Variants in KAT7 observed in about 807,000 individuals in gnomAD.
The protein encoded by KAT7 is histone acetyltransferase KAT7.
A neutral mutation model predicts 82.1 loss-of-function variants in KAT7; 10 were observed. The ratio of observed to expected loss-of-function variants is 0.12; its 90% CI spans 0.08 to 0.21. The LOEUF (loss-of-function observed/expected upper bound fraction) is 0.21, where lower values mean the gene tolerates loss of function less well. Among genes scored for constraint, KAT7 ranks in the 10% least tolerant of loss-of-function variants. The pLI is 1.00. For missense variants in KAT7, 378 were observed against 760.9 expected (o/e 0.50, Z 5.92); for synonymous variants, 250 against 262.5 (o/e 0.95, Z 0.46).
At chr17:49,792,174 T>A in intron 2 of KAT7, 141 bp downstream of exon 2, 3 of 801,948 alleles carry the variant, frequency 3.7e-6, no homozygotes, top group Non-Finnish European at 5.9e-6. Context: ...AAATGTAGAG[T>A]GAATGCAGAG....
Position 49,825,994 on chromosome 17 carries a change from TG to T in KAT7, c.1481-4del. 2 of 1,607,426 alleles carry T rather than the reference TG, an allele frequency of 1.2e-6. No individual in the cohort carries two copies. Among genetic ancestry groups the T allele is most frequent in the Non-Finnish European group, 1.7e-6 (2 of 1,175,508 alleles). On this transcript the variant is annotated splice_polypyrimidine_tract_variant and splice_region_variant and intron_variant, in intron 12 of 14. Transcript: ENST00000259021. ...CTAGAAAAAGTCTGTATTTGTTCCC[TG>T]GCAGGTTATTTGCTTTCCAAAGTCG...
At chr17:49,809,245 T>A (rs763878666) in intron 6 of KAT7, 37 bp downstream of exon 6, 66 of 1,506,948 alleles carry the variant, frequency 4.4e-5, no homozygotes, top group Non-Finnish European at 5.8e-5. Context: ...ATTCATAGTT[T>A]GAGGTCCGTT....
At chr17:49,800,010 CTTTTTT>C (rs10694119) in intron 4 of KAT7, among the ~76,000 whole-genome samples, 3 of 98,438 alleles carry the variant, frequency 3.0e-5, no homozygotes, top group African/African-American at 4.1e-5. Context: ...GTTTCCTGGC[CTTTTTT>C]TTTTTTTTTT....
intron 2 of KAT7, among the ~76,000 whole-genome samples, chr17:49,796,192 G>C (rs2073953776): frequency 1.3e-5 from 2 of 152,100 alleles, no homozygotes; most frequent in Non-Finnish European, 2.9e-5. Context: ...GTGCCAGAGA[G>C]GGTAATAAGA....
In KAT7 at chr17:49,834,605, A is replaced by T. The variant is rs2074448808; in HGVS notation, c.*7103A>T. 1 of 152,210 alleles carries T rather than the reference A, an allele frequency of 6.6e-6. No individual in the cohort carries two copies. The highest frequency in any genetic ancestry group is 1.5e-5 in the Non-Finnish European group (1 of 68,032). The allele number at this position is 152,210 out of a possible 1,614,324, so 9.4% of individuals were successfully genotyped here. ...TCATCATTCCCTTACACATAACCTC[A>T]ACGTGCAACAGGATTAGTCTATTAT... On this transcript the variant is annotated 3_prime_UTR_variant, in exon 15 of 15. Coordinates refer to ENST00000259021, the MANE Select transcript of KAT7 (RefSeq NM_007067.5).
intron 4 of KAT7, among the ~76,000 whole-genome samples, chr17:49,799,220 G>C (rs1293642721): frequency 6.6e-6 from 1 of 152,166 alleles, no homozygotes; most frequent in Non-Finnish European, 1.5e-5. Flanking sequence ...TTAAGGTTTT[G>C]TCTAGAGTTG....
rs923192332 is a variant in KAT7 at position 49,834,497 on chromosome 17, G to C, written c.*6995G>C. 1 of 152,238 alleles carries C rather than the reference G, an allele frequency of 6.6e-6. No homozygotes were observed. The highest frequency in any genetic ancestry group is 6.5e-5 in the Admixed American group (1 of 15,272). The allele number at this position is 152,238 out of a possible 1,614,324, so 9.4% of individuals were successfully genotyped here. ...CACCTGCCTGCTCCAGAATTCATGTGGCTTCTCATTGCTCAATGGATTAAG... is the reference window on the plus strand; with the variant it reads ...CACCTGCCTGCTCCAGAATTCATGTCGCTTCTCATTGCTCAATGGATTAAG... On this transcript the variant is annotated 3_prime_UTR_variant, in exon 15 of 15. Transcript: ENST00000259021.
chr17:49,792,192 G>A (rs988389080), intron 2 of KAT7, among the ~76,000 whole-genome samples, 159 bp downstream of exon 2: 1 of 152,208 alleles, frequency 6.6e-6, no homozygotes, highest in Non-Finnish European at 1.5e-5. Flanking sequence ...GAGTTGTCAG[G>A]TCTTTAACAA....
intron 4 of KAT7, among the ~76,000 whole-genome samples, chr17:49,800,846 A>G (rs920452987): frequency 3.3e-5 from 5 of 152,184 alleles, no homozygotes; most frequent in Non-Finnish European, 5.9e-5. Flanking sequence ...GTGTATATAC[A>G]TACATATGTG....
intron 4 of KAT7, among the ~76,000 whole-genome samples, chr17:49,803,203 G>C (rs2074047097): frequency 1.3e-5 from 2 of 151,828 alleles, no homozygotes; most frequent in African/African-American, 4.8e-5. Context: ...CTGCCTCCCA[G>C]GTTCAAGCGA....
chr17:49,811,197 C>T (rs1196588911), intron 6 of KAT7, among the ~76,000 whole-genome samples: 5 of 151,662 alleles, frequency 3.3e-5, no homozygotes, highest in Non-Finnish European at 7.4e-5. Flanking sequence ...ACCTCTGCCT[C>T]CCAGGTTCAG....
intron 7 of KAT7, among the ~76,000 whole-genome samples, chr17:49,811,864 C>T (rs1272022988): frequency 2.0e-5 from 3 of 152,096 alleles, no homozygotes; most frequent in Admixed American, 1.3e-4. Context: ...TTAAATTTAC[C>T]CGCTAGAACA....
chr17:49,799,596 C>T (rs1441668459), intron 4 of KAT7, among the ~76,000 whole-genome samples: 1 of 152,144 alleles, frequency 6.6e-6, no homozygotes, highest in African/African-American at 2.4e-5. Flanking sequence ...AGGCTGGTCT[C>T]GAACTCCTGA....
intron 5 of KAT7, among the ~76,000 whole-genome samples, chr17:49,806,040 G>A (rs1470830532): frequency 2.0e-5 from 3 of 152,206 alleles, no homozygotes; most frequent in Non-Finnish European, 2.9e-5. Context: ...TGTGTGGGTT[G>A]CTGTTCCCAA....
intron 1 of KAT7, among the ~76,000 whole-genome samples, 172 bp from the exon 2 acceptor site, chr17:49,791,714 C>G (rs2073891948): frequency 6.6e-6 from 1 of 152,066 alleles, no homozygotes; most frequent in South Asian, 2.1e-4. Context: ...TTTAAGTGTT[C>G]TAAATAAAGT....
intron 6 of KAT7, among the ~76,000 whole-genome samples, 178 bp from the exon 7 acceptor site, chr17:49,811,298 G>A (rs982787811): frequency 1.3e-5 from 2 of 151,758 alleles, no homozygotes; most frequent in African/African-American, 4.8e-5. Flanking sequence ...ATAGAGATGA[G>A]GATTCACCAT....
Position 49,829,075 on chromosome 17 carries a change from A to G in KAT7, c.*1573A>G, listed in dbSNP as rs2074401371. On this transcript the variant is annotated 3_prime_UTR_variant, in exon 15 of 15. Transcript: ENST00000259021. ...TGTGCTCTTCTATATCTACTCCTCA[A>G]TAAAGCATGTTCTCTGCTCAAGTCT... 1 of 152,628 alleles carries G rather than the reference A, an allele frequency of 6.6e-6. No homozygotes were observed. The allele number at this position is 152,628 out of a possible 1,614,324, so 9.5% of individuals were successfully genotyped here. A position where few individuals can be genotyped will look rare whatever the true frequency, so the allele number is the denominator to read the frequency against.
chr17:49,813,000 CT>C (rs34339283), intron 7 of KAT7, among the ~76,000 whole-genome samples: 10,807 of 102,868 alleles, frequency 0.11, 348 homozygotes, highest in East Asian at 0.16. Flanking sequence ...TGCACCCAGC[CT>C]TTTTTTTTTT....
rs757319366 is a variant in KAT7, at chr17:49,788,792, C to A, written c.-43C>A. 41 of 1,565,880 alleles carry A rather than the reference C, an allele frequency of 2.6e-5. No individual in the cohort carries two copies. The highest frequency in any genetic ancestry group is 3.2e-5 in the Non-Finnish European group (37 of 1,155,584). On this transcript the variant is annotated 5_prime_UTR_variant, in exon 1 of 15. Transcript: ENST00000259021. ...CCGGAGCCACCGTTCCTGCTGCTGC[C>A]GCCGCTGCCCGAATCGGAACCGTCG...
Sources: allele counts gnomAD v4.1 joint callset (sites outside exome capture counted in the v4.1 genomes callset), GRCh38; gene constraint gnomAD v4.1.1; transcripts MANE v1.5; gene names NCBI Gene and HGNC (gene_info 2026-07-23, HGNC 2026-07-21).